ACADS: variants seen among roughly 807,000 people sequenced by gnomAD.
ACADS encodes acyl-CoA dehydrogenase short chain, also known as short-chain specific acyl-CoA dehydrogenase, mitochondrial.
In ACADS, 28 loss-of-function variants were observed where a neutral mutation model predicts 46.8. The ratio of observed to expected loss-of-function variants is 0.60; its 90% CI spans 0.44 to 0.82. The LOEUF (loss-of-function observed/expected upper bound fraction) is 0.82. Ranked by LOEUF, ACADS falls within the 40% of genes least tolerant of loss-of-function variation. ACADS has a pLI of 0.00. For missense variants in ACADS, 528 were observed against 578.0 expected (o/e 0.91, Z 0.89); for synonymous variants, 236 against 237.7 (o/e 0.99, Z 0.07).
intron 2 of ACADS, among the ~76,000 whole-genome samples, chr12:120,735,760 G>A (rs1242771024): frequency 2.6e-5 from 4 of 151,866 alleles, no homozygotes; most frequent in African/African-American, 2.4e-5. Context: ...TTAGCTGGGC[G>A]TGATTATGGG....
chr12:120,739,055 C>A (rs1049568378), intron 8 of ACADS, 85 bp from the exon 9 acceptor site: 1 of 1,594,924 alleles, frequency 6.3e-7, no homozygotes, highest in African/African-American at 1.3e-5. Flanking sequence ...GGAGGCTCCA[C>A]AGGCCTCCCC....
rs150146692 is a variant in ACADS, at chr12:120,730,768, C to T, written c.210+3579C>T. On this transcript the variant is annotated intron_variant, in intron 2 of 9. Coordinates refer to ENST00000242592, the MANE Select transcript of ACADS (RefSeq NM_000017.4). ...CATTTATTCCAGGGTTTTATACCAA[C>T]AAGTTCCGGGGTGAAAAGGAGGGTG... 7.3e-3 allele frequency among the ~76,000 whole-genome samples: 1,045 copies of T among 142,878 alleles called. 9 individuals carry two copies. Among genetic ancestry groups the T allele is most frequent in the African/African-American group, 0.028 (989 of 35,736 alleles). The allele number at this position is 142,878 out of a possible 152,430, so 93.7% of individuals were successfully genotyped here.
At chr12:120,735,348 TAAAAAAAAAAAA>T (rs756263687) in intron 2 of ACADS, among the ~76,000 whole-genome samples, 1 of 72,244 alleles carries the variant, frequency 1.4e-5, no homozygotes, top group Non-Finnish European at 2.6e-5. Context: ...GCGCAGTCCT[TAAAAAAAAAAAA>T]AAAAAAAAAA....
chr12:120,726,414 G>T (rs1344124650), intron 1 of ACADS, among the ~76,000 whole-genome samples: 1 of 152,192 alleles, frequency 6.6e-6, no homozygotes. Context: ...TTCCACAAAT[G>T]CTCGTTCTTG....
At position 120,727,012 on chromosome 12, in the gene ACADS, G is replaced by C. The variant is rs2136939265; in HGVS notation, c.47-14G>C. On this transcript the variant is annotated splice_polypyrimidine_tract_variant and intron_variant, in intron 1 of 9. Transcript: ENST00000242592. ...CTGCCTCCTCCTTCCACTCACTTCT[G>C]CCCTTGCCGGCAGCTCTCTGTCCTA... 1 of 1,614,026 alleles carries C rather than the reference G, an allele frequency of 6.2e-7. No individual in the cohort carries two copies. Among genetic ancestry groups the C allele is most frequent in the Non-Finnish European group, 8.5e-7 (1 of 1,180,020 alleles).
In ACADS at chr12:120,738,395, G is replaced by A. The variant is rs768292774; in HGVS notation, c.740G>A (p.Arg247His). 8.1e-6 allele frequency: 13 copies of A among 1,613,510 alleles called. No individual in the cohort carries two copies. The highest frequency in any genetic ancestry group is 1.6e-4 in the Middle Eastern group (1 of 6,084). Residue 247 changes from arginine to histidine, a missense_variant, in exon 6 of 10, where the codon CGC becomes CAC. By Grantham distance (29) the Arg-to-His change is conservative. Transcript: ENST00000242592. ...GCCAACCTCATCTTTGAGGACTGTC[G>A]CATCCCCAAGGACAGCATCCTGGGG... Reference protein sequence around the residue: ...STANLIFEDCRIPKDSILGEP... With the variant: ...STANLIFEDCHIPKDSILGEP...
chr12:120,739,286 C>G lies in ACADS; in HGVS notation c.1087-10C>G. The G allele has an allele frequency of 2.5e-6, 4 of 1,613,088 alleles. No individual in the cohort carries two copies. Among genetic ancestry groups the G allele is most frequent in the Non-Finnish European group, 2.5e-6 (3 of 1,179,984 alleles). On this transcript the variant is annotated splice_polypyrimidine_tract_variant and intron_variant, in intron 9 of 9. Coordinates refer to ENST00000242592, the MANE Select transcript of ACADS (RefSeq NM_000017.4). Reference sequence around the variant, plus strand: ...GTCTTCTCCCTCCTGAGCCACTGTTCTCATCTCAGGCCATCCAGATCCTGG... The same window carrying G: ...GTCTTCTCCCTCCTGAGCCACTGTTGTCATCTCAGGCCATCCAGATCCTGG...
intron 7 of ACADS, 26 bp downstream of exon 7, chr12:120,738,696 G>A: frequency 6.2e-7 from 1 of 1,610,186 alleles, no homozygotes; most frequent in South Asian, 1.1e-5. Context: ...TTAGGAGCTG[G>A]GCCTAGAGGC....
At chr12:120,737,642 C>T in intron 4 of ACADS, 175 bp downstream of exon 4, 1 of 1,064,630 alleles carries the variant, frequency 9.4e-7, no homozygotes, top group Non-Finnish European at 1.4e-6. Flanking sequence ...CTTCGGGGTC[C>T]CCTGGTTTAA....
At position 120,739,225 on chromosome 12, in the gene ACADS, G is replaced by T. The variant is rs374392992; in HGVS notation, c.1086+29G>T. On this transcript the variant is annotated intron_variant, in intron 9 of 9. Transcript: ENST00000242592. ...AGTGTCCACAGTGAGCTCTGAGGGG[G>T]CCAGCTGCCCCTTCTCCAGCTTTCC... The T allele has an allele frequency of 1.9e-6, 3 of 1,612,942 alleles. No individual in the cohort carries two copies. In the African/African-American group the frequency reaches 4.0e-5, roughly 21 times the overall value.
Position 120,728,136 on chromosome 12 carries a change from G to C in ACADS, c.210+947G>C, listed in dbSNP as rs940006108. Among the ~76,000 whole-genome samples, 2 of 151,864 alleles carry C rather than the reference G, an allele frequency of 1.3e-5. No homozygotes were observed. The highest frequency in any genetic ancestry group is 1.3e-4 in the Admixed American group (2 of 15,256). Reference sequence around the variant, plus strand: ...TAGTTTTTGTACTTTCAGTAGAGATGGGGTTTCTCCATGTTGGGCAGGCTG... The same window carrying C: ...TAGTTTTTGTACTTTCAGTAGAGATCGGGTTTCTCCATGTTGGGCAGGCTG... On this transcript the variant is annotated intron_variant, in intron 2 of 9. Coordinates refer to ENST00000242592, the MANE Select transcript of ACADS (RefSeq NM_000017.4). The surrounding 1 kb of genome is among the most constrained non-coding windows in gnomAD (Gnocchi z 4.0).
chr12:120,732,452 G>T (rs1883281701), intron 2 of ACADS, among the ~76,000 whole-genome samples: 1 of 147,596 alleles, frequency 6.8e-6, no homozygotes, highest in African/African-American at 2.5e-5. Flanking sequence ...AGGCAGAGGG[G>T]CTCCTCACTT....
At chr12:120,738,764 T>G (rs1883547622) in intron 7 of ACADS, 56 bp from the exon 8 acceptor site, 1 of 1,611,662 alleles carries the variant, frequency 6.2e-7, no homozygotes, top group South Asian at 1.1e-5. Flanking sequence ...TCCCCCTCCC[T>G]TCTGTCCCCT....
chr12:120,739,054 A>G, intron 8 of ACADS, 86 bp from the exon 9 acceptor site: 1 of 1,593,316 alleles, frequency 6.3e-7, no homozygotes, highest in South Asian at 1.1e-5. Flanking sequence ...GGGAGGCTCC[A>G]CAGGCCTCCC....
At chr12:120,730,098 T>C (rs892599654) in intron 2 of ACADS, among the ~76,000 whole-genome samples, 4 of 152,182 alleles carry the variant, frequency 2.6e-5, no homozygotes, top group African/African-American at 9.7e-5. Flanking sequence ...TTTTCCTGCC[T>C]CAGCCTCCCA....
chr12:120,731,316 A>G (rs1883240778), intron 2 of ACADS, among the ~76,000 whole-genome samples: 2 of 151,846 alleles, frequency 1.3e-5, no homozygotes, highest in Admixed American at 1.3e-4. Flanking sequence ...GGGTATCATC[A>G]TGTTGGCCAG....
chr12:120,733,236 G>C (rs541442599), intron 2 of ACADS, among the ~76,000 whole-genome samples: 1 of 151,606 alleles, frequency 6.6e-6, no homozygotes. Flanking sequence ...GGGAGACCGG[G>C]GGGAGAGGGA....
chr12:120,739,842 C>A lies in ACADS; in HGVS notation c.*394C>A. The A allele has an allele frequency of 4.0e-6, 1 of 250,088 alleles. No homozygotes were observed. The highest frequency in any genetic ancestry group is 5.5e-5 in the South Asian group (1 of 18,178). The allele number at this position is 250,088 out of a possible 1,614,324, so 15.5% of individuals were successfully genotyped here. A position where few individuals can be genotyped will look rare whatever the true frequency, so the allele number is the denominator to read the frequency against. On this transcript the variant is annotated 3_prime_UTR_variant, in exon 10 of 10. Transcript: ENST00000242592. The stretch of plus-strand genomic sequence containing the variant: ...TTGAGGTCAGAGGTCAGGAGCAGGG[C>A]TGGGGTCAGGATGACGAGGCCTGGG...
chr12:120,738,630 T>A lies in ACADS; in HGVS notation c.893T>A (p.Met298Lys), dbSNP rs1179159355. 6.2e-7 allele frequency: 1 copy of A among 1,613,036 alleles called. No homozygotes were observed. Among genetic ancestry groups the A allele is most frequent in the Non-Finnish European group, 8.5e-7 (1 of 1,180,034 alleles). Residue 298 changes from methionine (M) to lysine (K), a missense_variant, in exon 7 of 10, where the codon ATG (methionine) becomes AAG (lysine). Coordinates refer to ENST00000242592, the MANE Select transcript of ACADS (RefSeq NM_000017.4). ...GCTGTGAACTACGCTGAGAATCGCA[T>A]GGCCTTCGGGGCGCCCCTCACCAAG... ...DCAVNYAENR[M>K]AFGAPLTKLQ...
Sources: gnomAD v4.1 joint callset for allele counts (sites outside exome capture counted in the v4.1 genomes callset) on GRCh38, gnomAD v4.1.1 for gene constraint, Gnocchi (gnomAD v3.1) non-coding constraint, MANE v1.5 for transcripts, NCBI Gene and HGNC (gene_info 2026-07-23, HGNC 2026-07-21) for gene names.